Variants in DNM1L observed in about 807,000 individuals in gnomAD.
DNM1L encodes the protein dynamin 1L, also known as dynamin-1-like protein.
In DNM1L, 33 loss-of-function variants were observed where a neutral mutation model predicts 92.8. That is an observed-to-expected ratio of 0.36 (90% CI 0.27 to 0.48). The LOEUF (loss-of-function observed/expected upper bound fraction) is 0.48, where lower values mean the gene tolerates loss of function less well. Among genes scored for constraint, DNM1L ranks in the 20% least tolerant of loss-of-function variants. DNM1L has a pLI of 0.99. For missense variants in DNM1L, 485 were observed against 888.8 expected (o/e 0.55, Z 5.78); for synonymous variants, 284 against 305.0 (o/e 0.93, Z 0.72).
intron 3 of DNM1L, among the ~76,000 whole-genome samples, 163 bp downstream of exon 3, chr12:32,707,576 A>C (rs893094268): frequency 6.6e-6 from 1 of 152,158 alleles, no homozygotes; most frequent in African/African-American, 2.4e-5. Context: ...ACAATTGTTT[A>C]TTGGAAAACA....
At position 32,733,776 on chromosome 12, in the gene DNM1L, A is replaced by T. The variant is rs1215143262; in HGVS notation, c.1508A>T (p.Asp503Val). The part of the protein sequence containing the change: ...YINTKHPDFA[D>V]ACGLMNNNIE... Reference sequence around the variant, plus strand: ...AACACAAAACATCCAGACTTTGCTGATGCTTGTGGGCTAATGAACAATAAT... The same window carrying T: ...AACACAAAACATCCAGACTTTGCTGTTGCTTGTGGGCTAATGAACAATAAT... The change falls in exon 13 of 20, where the codon GAT becomes GTT. Residue 503 changes from aspartate to valine, a missense_variant. By Grantham distance (152) the Asp-to-Val change is radical (BLOSUM62 -3). Around this residue, in one of 11 missense-constraint regions of DNM1L, gnomAD observed 28 missense variants for 65.1 expected, o/e 0.43. Coordinates refer to ENST00000549701, the MANE Select transcript of DNM1L (RefSeq NM_012062.5). 1 of 1,613,954 alleles carries T rather than the reference A, an allele frequency of 6.2e-7. No homozygotes were observed. Among genetic ancestry groups the T allele is most frequent in the Non-Finnish European group, 8.5e-7 (1 of 1,179,930 alleles).
intron 9 of DNM1L, among the ~76,000 whole-genome samples, chr12:32,729,925 T>G (rs1954436038): frequency 6.6e-6 from 1 of 152,054 alleles, no homozygotes; most frequent in African/African-American, 2.4e-5. Flanking sequence ...ATTGTAAAAA[T>G]AGAGAGGAAG....
intron 9 of DNM1L, chr12:32,725,543 C>G (rs1954075284): frequency 6.6e-6 from 1 of 152,202 alleles, no homozygotes; most frequent in East Asian, 1.9e-4. Flanking sequence ...CATTAACAAT[C>G]TAATACAGTT....
chr12:32,693,017 T>G (rs1398341057), intron 1 of DNM1L, among the ~76,000 whole-genome samples: 1 of 152,232 alleles, frequency 6.6e-6, no homozygotes, highest in Non-Finnish European at 1.5e-5. Context: ...ACTGCGGATA[T>G]TCATATAAAT....
At chr12:32,732,763 T>C (rs1034236638) in intron 12 of DNM1L, among the ~76,000 whole-genome samples, 1 of 152,172 alleles carries the variant, frequency 6.6e-6, no homozygotes, top group African/African-American at 2.4e-5. Flanking sequence ...ATACCTGAGA[T>C]TTGTTAGGAC....
At chr12:32,715,976 A>G (rs1953346062) in intron 6 of DNM1L, among the ~76,000 whole-genome samples, 1 of 152,212 alleles carries the variant, frequency 6.6e-6, no homozygotes, top group African/African-American at 2.4e-5. Flanking sequence ...CATAATTTTC[A>G]AAAACTAGAA....
At chr12:32,740,330 A>G in intron 17 of DNM1L, 79 bp from the exon 18 acceptor site, 1 of 1,610,530 alleles carries the variant, frequency 6.2e-7, no homozygotes, top group Non-Finnish European at 8.5e-7. Flanking sequence ...AGTCTCAAAA[A>G]CTTACATAAC....
intron 9 of DNM1L, chr12:32,727,017 A>G: frequency 1.3e-6 from 1 of 741,988 alleles, no homozygotes. Flanking sequence ...CATATCACTG[A>G]GCAAGTCAAC....
rs372051016 is a variant in DNM1L, at chr12:32,692,738, A to G, written c.103-8677A>G. The G allele has an allele frequency of 1.1e-4, 17 of 152,364 alleles. 3 individuals are homozygous for G. Among genetic ancestry groups the G allele is most frequent in the Admixed American group, 1.3e-4 (2 of 15,300 alleles). 9.4% of individuals were successfully genotyped at this position (152,364 alleles called of 1,614,324 possible). ...CAGTGTCCTTCCTATCCATCTTAAC[A>G]TTAGGCTCATTTTTACATTTCAGGT... is the stretch of plus-strand genomic sequence containing the variant. On this transcript the variant is annotated intron_variant, in intron 1 of 19. Coordinates refer to ENST00000549701, the MANE Select transcript of DNM1L (RefSeq NM_012062.5).
intron 6 of DNM1L, among the ~76,000 whole-genome samples, chr12:32,717,864 T>TATATTTATATATAC (rs1249069187): frequency 1.8e-5 from 2 of 113,066 alleles, no homozygotes; most frequent in African/African-American, 7.4e-5. Flanking sequence ...ATATACTATA[T>TATATTTATATATAC]ATAGTATATA....
intron 2 of DNM1L, among the ~76,000 whole-genome samples, chr12:32,702,673 G>T (rs922523328): frequency 6.6e-6 from 1 of 150,492 alleles, no homozygotes; most frequent in Admixed American, 6.6e-5. Context: ...GCTGTTGGTG[G>T]TGATGACTTG....
Position 32,722,407 on chromosome 12 carries a change from T to C in DNM1L, c.873-20T>C. The C allele has an allele frequency of 6.2e-7, 1 of 1,606,220 alleles. No homozygotes were observed. Among genetic ancestry groups the C allele is most frequent in the Non-Finnish European group, 8.5e-7 (1 of 1,175,818 alleles). On this transcript the variant is annotated intron_variant, in intron 8 of 19. Transcript: ENST00000549701. ...ATACACAATTTTACTTTTAAATCCTTCCTTTCTAACCTTTTTTAGGTTACT... is the reference window on the plus strand; with the variant it reads ...ATACACAATTTTACTTTTAAATCCTCCCTTTCTAACCTTTTTTAGGTTACT...
chr12:32,704,723 A>T (rs1453879491), intron 2 of DNM1L, among the ~76,000 whole-genome samples: 2 of 152,144 alleles, frequency 1.3e-5, no homozygotes, highest in African/African-American at 4.8e-5. Flanking sequence ...GATAGGATTA[A>T]TTTTTCTGCA....
At chr12:32,695,598 C>G (rs1006569739) in intron 1 of DNM1L, among the ~76,000 whole-genome samples, 1 of 151,878 alleles carries the variant, frequency 6.6e-6, no homozygotes, top group Non-Finnish European at 1.5e-5. Flanking sequence ...TGGGGAAACC[C>G]TGTCTCTACA....
Position 32,733,594 on chromosome 12 carries a change from T to G in DNM1L, c.1447-121T>G, listed in dbSNP as rs961985079. 3.3e-5 allele frequency: 25 copies of G among 761,546 alleles called. No individual in the cohort carries two copies. In the Admixed American group the frequency reaches 5.0e-4, roughly 15 times the overall value. 47.2% of individuals were successfully genotyped at this position (761,546 alleles called of 1,614,324 possible). ...GTTGGAATATAATTATCAAGTAATT[T>G]AGGCATAAGTTTCCTGTACTTTTTC... On this transcript the variant is annotated intron_variant, in intron 12 of 19. Transcript: ENST00000549701.
rs1434601074 is a variant in DNM1L at position 32,738,173 on chromosome 12, A to G, written c.1675-91A>G. 8 of 1,467,666 alleles carry G rather than the reference A, an allele frequency of 5.5e-6. No homozygotes were observed. In the East Asian group the frequency reaches 1.8e-4, roughly 34 times the overall value. 90.9% of individuals were successfully genotyped at this position (1,467,666 alleles called of 1,614,324 possible). ...GATGCACACAGAAAAAGTAATTTAA[A>G]GAGGAAATTATCCTGCACTTTTTGA... On this transcript the variant is annotated intron_variant, in intron 15 of 19. Transcript: ENST00000549701.
chr12:32,696,369 TACACACACACACAAACACAC>T (rs1952449362), intron 1 of DNM1L, among the ~76,000 whole-genome samples: 1 of 113,284 alleles, frequency 8.8e-6, no homozygotes, highest in South Asian at 3.2e-4. Context: ...AGACCCTGTC[TACACACACACACAAACACAC>T]ACACACACAC....
At chr12:32,738,201 T>G (rs1192306421) in intron 15 of DNM1L, 63 bp from the exon 16 acceptor site, 1 of 1,586,262 alleles carries the variant, frequency 6.3e-7, no homozygotes, top group Non-Finnish European at 8.7e-7. Flanking sequence ...CTTTTTGAAT[T>G]TCAACCCATT....
intron 1 of DNM1L, among the ~76,000 whole-genome samples, chr12:32,690,180 A>G (rs772106901): frequency 2.0e-5 from 3 of 152,218 alleles, no homozygotes; most frequent in Non-Finnish European, 4.4e-5. Context: ...TACCATTTAT[A>G]GTAGTGAATC....
Sources: gnomAD v4.1 joint callset for allele counts (sites outside exome capture counted in the v4.1 genomes callset) on GRCh38, gnomAD v4.1.1 for gene constraint, gnomAD v4.1.1 regional missense constraint, MANE v1.5 for transcripts, NCBI Gene and HGNC (gene_info 2026-07-23, HGNC 2026-07-21) for gene names.